The following MAP3K6 variants were observed in gnomAD, a reference collection of about 807,000 sequenced individuals.
The protein encoded by MAP3K6 is apoptosis signal-regulating kinase 2.
Under a neutral mutation model 147.1 loss-of-function variants are expected in MAP3K6, and 105 were observed. That is an observed-to-expected ratio of 0.71 (90% CI 0.61 to 0.84). The LOEUF is 0.84. Among genes scored for constraint, MAP3K6 ranks in the 40% least tolerant of loss-of-function variants. The probability of loss-of-function intolerance (pLI) is 0.00; values close to 1 mark genes in which losing one functional copy is unlikely to be tolerated. For missense variants in MAP3K6, 1,569 were observed against 1,715.0 expected, an observed-to-expected ratio of 0.91 and a Z score of 1.50; for synonymous variants, 695 against 732.4, an observed-to-expected ratio of 0.95 and a Z score of 0.82.
In MAP3K6 at chr1:27,359,888, G is replaced by A. The variant is rs746107468; in HGVS notation, c.2289C>T (p.His763=). ...RQILQGLGYL[H]DNHIVHRDIK... is the part of the protein sequence containing the mutation. ...TGTCCCTGTGCACGATGTGGTTGTC[G>A]TGCAAGTAGCCAAGTCCCTGCAGGA... Residue 763 remains histidine (H), a synonymous_variant, in exon 17 of 29, where the codon CAC becomes CAT. Coordinates refer to ENST00000357582, the MANE Select transcript of MAP3K6 (RefSeq NM_004672.5). The surrounding 1 kb of genome is among the most constrained non-coding windows in gnomAD (Gnocchi z 4.4). The A allele has an allele frequency of 1.2e-6, 2 of 1,614,124 alleles. No homozygotes were observed. Among genetic ancestry groups the A allele is most frequent in the East Asian group, 4.5e-5 (2 of 44,876 alleles).
At position 27,359,673 on chromosome 1, in the gene MAP3K6, G is replaced by T; in HGVS notation, c.2320-151C>A. On this transcript the variant is annotated intron_variant, in intron 17 of 28. Transcript: ENST00000357582. This position sits in a 1 kb window ranked among gnomAD's most constrained non-coding sequence, Gnocchi z 4.4. ...ATCCCACTTATATGCCCCTCTGGGA[G>T]CTGACAATTGGTTTGGCTTCAGAGC... 1 of 1,390,626 alleles carries T rather than the reference G, an allele frequency of 7.2e-7. No individual in the cohort carries two copies. Among genetic ancestry groups the T allele is most frequent in the Non-Finnish European group, 9.8e-7 (1 of 1,017,744 alleles). The allele number at this position is 1,390,626 out of a possible 1,614,324, so 86.1% of individuals were successfully genotyped here.
rs374796272 is a variant in MAP3K6 at position 27,358,428 on chromosome 1, G to A, written c.2767C>T (p.Arg923Trp). 7.3e-5 allele frequency: 116 copies of A among 1,591,178 alleles called. No homozygotes were observed. Among genetic ancestry groups the A allele is most frequent in the Non-Finnish European group, 9.3e-5 (109 of 1,172,954 alleles). The change falls in exon 20 of 29, where the codon CGG becomes TGG. Residue 923 changes from arginine to tryptophan, a missense_variant. Physicochemically the swap from Arg to Trp is moderately radical, Grantham distance 101 (BLOSUM62 -3). Transcript: ENST00000357582. The surrounding 1 kb of genome is among the most constrained non-coding windows in gnomAD (Gnocchi z 6.2). Reference sequence around the variant, plus strand: ...CGCCACCCGCAAGCACCTGAGGGCCGTGGAGCATGTCGTGGGGAGCTGGGG... The same window carrying A: ...CGCCACCCGCAAGCACCTGAGGGCCATGGAGCATGTCGTGGGGAGCTGGGG... ...RSPSSPRHAP[R>W]PSDAPSASPT...
At position 27,359,379 on chromosome 1, in the gene MAP3K6, G is replaced by A; in HGVS notation, c.2425+38C>T. The stretch of plus-strand genomic sequence containing the variant: ...AAGTTCCAAGAGATCTTCTGCCCCA[G>A]GTCAGCATCCCCACTCACCACCCCC... On this transcript the variant is annotated intron_variant, in intron 18 of 28. Coordinates refer to ENST00000357582, the MANE Select transcript of MAP3K6 (RefSeq NM_004672.5). This position sits in a 1 kb window ranked among gnomAD's most constrained non-coding sequence, Gnocchi z 4.4. 2 of 1,613,760 alleles carry A rather than the reference G, an allele frequency of 1.2e-6. No homozygotes were observed. The highest frequency in any genetic ancestry group is 1.7e-6 in the Non-Finnish European group (2 of 1,179,802).
At position 27,360,136 on chromosome 1, in the gene MAP3K6, C is replaced by T; in HGVS notation, c.2182+105G>A. ...CTCAGCTAATTCTAGGCTACACCAC[C>T]CACACGCACTAGGGTGCATTTCCCC... On this transcript the variant is annotated intron_variant, in intron 16 of 28. Transcript: ENST00000357582. The surrounding 1 kb of genome is among the most constrained non-coding windows in gnomAD (Gnocchi z 4.5). 6.3e-7 allele frequency: 1 copy of T among 1,578,126 alleles called. No individual in the cohort carries two copies.
At position 27,357,454 on chromosome 1, in the gene MAP3K6, G is replaced by A; in HGVS notation, c.3204C>T (p.Ala1068=). ...GCAGAAGCGCAGGCCCAAGGCCCTG[G>A]GCCCTCAGCCGTCCTTGCAGCGCCC... The part of the protein sequence containing the change: ...ELRALQGRLR[A]QGLGPALLHR... The change falls in exon 23 of 29, where the codon GCC becomes GCT. Residue 1068 remains alanine (A), a synonymous_variant. Coordinates refer to ENST00000357582, the MANE Select transcript of MAP3K6 (RefSeq NM_004672.5). 2 of 1,613,472 alleles carry A rather than the reference G, an allele frequency of 1.2e-6. No individual in the cohort carries two copies. Among genetic ancestry groups the A allele is most frequent in the South Asian group, 1.1e-5 (1 of 91,038 alleles).
chr1:27,356,048 A>G lies in MAP3K6; in HGVS notation c.3689T>C (p.Val1230Ala), dbSNP rs1372388607. ...CACCATTTGGATGGTGCCTGAATCCACATTCAGTTCCTGTAGCCACTGCAC... is the reference window on the plus strand; with the variant it reads ...CACCATTTGGATGGTGCCTGAATCCGCATTCAGTTCCTGTAGCCACTGCAC... ...GLVQWLQELNVDSGTIQMLLN... is the reference protein window; with the variant it reads ...GLVQWLQELNADSGTIQMLLN... Residue 1230 changes from valine (V) to alanine (A), a missense_variant, in exon 27 of 29, where the codon GTG becomes GCG. By Grantham distance (64) the Val-to-Ala change is moderately conservative. Coordinates refer to ENST00000357582, the MANE Select transcript of MAP3K6 (RefSeq NM_004672.5). 1 of 1,614,196 alleles carries G rather than the reference A, an allele frequency of 6.2e-7. No homozygotes were observed. The highest frequency in any genetic ancestry group is 1.7e-5 in the Admixed American group (1 of 60,030).
In MAP3K6 at chr1:27,360,741, C is replaced by A. The variant is rs56359841; in HGVS notation, c.2018G>T (p.Arg673Leu). The change falls in exon 15 of 29, where the codon CGC (arginine) becomes CTC (leucine). Residue 673 changes from arginine (R) to leucine (L), a missense_variant. Arg to Leu is a moderately radical substitution (Grantham distance 102, BLOSUM62 -2). Coordinates refer to ENST00000357582, the MANE Select transcript of MAP3K6 (RefSeq NM_004672.5). This position sits in a 1 kb window ranked among gnomAD's most constrained non-coding sequence, Gnocchi z 4.5. ...CTCCGGGATCTCCTTGATGGCGATG[C>A]GCACCCTCGTGTGGCGATCGCGGCC... ...YAGRDRHTRVRIAIKEIPERD... is the reference protein window; with the variant it reads ...YAGRDRHTRVLIAIKEIPERD... The A allele has an allele frequency of 4.3e-6, 7 of 1,612,362 alleles. No homozygotes were observed. In the East Asian group the frequency reaches 1.3e-4, roughly 31 times the overall value.
At position 27,360,753 on chromosome 1, in the gene MAP3K6, T is replaced by C. The variant is rs148643990; in HGVS notation, c.2006A>G (p.His669Arg). The change falls in exon 15 of 29, where the codon CAC becomes CGC. Residue 669 changes from histidine to arginine, a missense_variant. Transcript: ENST00000357582. The surrounding 1 kb of genome is among the most constrained non-coding windows in gnomAD (Gnocchi z 4.5). ...CTTGATGGCGATGCGCACCCTCGTG[T>C]GGCGATCGCGGCCCGCGTACACCAC... ...YGVVYAGRDR[H>R]TRVRIAIKEI... The C allele has an allele frequency of 6.2e-6, 10 of 1,612,516 alleles. No individual in the cohort carries two copies. Among genetic ancestry groups the C allele is most frequent in the African/African-American group, 5.3e-5 (4 of 74,914 alleles).
At position 27,357,017 on chromosome 1, in the gene MAP3K6, A is replaced by G. The variant is rs2015552631; in HGVS notation, c.3356T>C (p.Leu1119Pro). 6.2e-7 allele frequency: 1 copy of G among 1,613,742 alleles called. No homozygotes were observed. Among genetic ancestry groups the G allele is most frequent in the Non-Finnish European group, 8.5e-7 (1 of 1,179,874 alleles). The change falls in exon 24 of 29, where the codon CTA becomes CCA. Residue 1119 changes from leucine (L) to proline (P), a missense_variant. Leu to Pro is a moderately conservative substitution (Grantham distance 98). Coordinates refer to ENST00000357582, the MANE Select transcript of MAP3K6 (RefSeq NM_004672.5). ...TGGCATTCCCCTCCTACCCGGTCCT[A>G]GCACACCCAGGGCTGCCCGCACAGC... ...SRAVRAALGV[L>P]GPEVEKEAVS...
At position 27,359,822 on chromosome 1, in the gene MAP3K6, C is replaced by A. The variant is rs555412059; in HGVS notation, c.2319+36G>T. The A allele has an allele frequency of 1.9e-6, 3 of 1,611,674 alleles. No individual in the cohort carries two copies. The highest frequency in any genetic ancestry group is 2.2e-5 in the East Asian group (1 of 44,814). On this transcript the variant is annotated intron_variant, in intron 17 of 28. Coordinates refer to ENST00000357582, the MANE Select transcript of MAP3K6 (RefSeq NM_004672.5). The surrounding 1 kb of genome is among the most constrained non-coding windows in gnomAD (Gnocchi z 4.4). Reference sequence around the variant, plus strand: ...GGACCATGTTTCCTTCCCCGCCACCCTCAGCAGATGAGGGCGGGCCAGCCC... The same window carrying A: ...GGACCATGTTTCCTTCCCCGCCACCATCAGCAGATGAGGGCGGGCCAGCCC...
In MAP3K6 at chr1:27,364,580, G is replaced by A; in HGVS notation, c.504+81C>T. 1.9e-6 allele frequency: 3 copies of A among 1,601,566 alleles called. No homozygotes were observed. Among genetic ancestry groups the A allele is most frequent in the East Asian group, 2.2e-5 (1 of 44,806 alleles). Reference sequence around the variant, plus strand: ...GTCAGTGGGGGGTTAGGTGACTGAGGAGGCCAGGGGGATTAGTGGAGGTCA... The same window carrying A: ...GTCAGTGGGGGGTTAGGTGACTGAGAAGGCCAGGGGGATTAGTGGAGGTCA... On this transcript the variant is annotated intron_variant, in intron 3 of 28. Coordinates refer to ENST00000357582, the MANE Select transcript of MAP3K6 (RefSeq NM_004672.5). The surrounding 1 kb of genome is among the most constrained non-coding windows in gnomAD (Gnocchi z 4.4).
chr1:27,365,707 C>T (rs943356593), intron 1 of MAP3K6, among the ~76,000 whole-genome samples: 1 of 151,932 alleles, frequency 6.6e-6, no homozygotes, highest in African/African-American at 2.4e-5. Flanking sequence ...CTCCCTCACC[C>T]AGTATCCAGT....
At chr1:27,356,959 G>A in intron 24 of MAP3K6, 50 bp downstream of exon 24, 1 of 1,578,492 alleles carries the variant, frequency 6.3e-7, no homozygotes, top group Non-Finnish European at 8.7e-7. Context: ...ACCGCGCCCA[G>A]CAAGCACCAC....
In MAP3K6 at chr1:27,360,376, G is replaced by A. The variant is rs549618147; in HGVS notation, c.2055-8C>T. 18 of 1,612,394 alleles carry A rather than the reference G, an allele frequency of 1.1e-5. No individual in the cohort carries two copies. Among genetic ancestry groups the A allele is most frequent in the East Asian group, 4.5e-5 (2 of 44,854 alleles). On this transcript the variant is annotated splice_region_variant and splice_polypyrimidine_tract_variant and intron_variant, in intron 15 of 28. Transcript: ENST00000357582. The surrounding 1 kb of genome is among the most constrained non-coding windows in gnomAD (Gnocchi z 4.5). ...TGCAGGGGCTGAGAGAACCTGAGGG[G>A]AGGTAAGGGAGAGAGGAAAGGGACC...
chr1:27,363,635 C>T, intron 5 of MAP3K6, 87 bp from the exon 6 acceptor site: 1 of 1,048,918 alleles, frequency 9.5e-7, no homozygotes, highest in Non-Finnish European at 1.4e-6. Context: ...CTCCTGACAT[C>T]CCACCCAGCC....
At chr1:27,355,519 C>G (rs1557552735) in intron 28 of MAP3K6, 50 bp from the exon 29 acceptor site, 2 of 1,594,420 alleles carry the variant, frequency 1.3e-6, no homozygotes, top group Admixed American at 3.3e-5. Flanking sequence ...GCCCTGGACT[C>G]TATCTTGCAC....
At position 27,364,002 on chromosome 1, in the gene MAP3K6, G is replaced by A. The variant is rs745828461; in HGVS notation, c.779C>T (p.Ala260Val). 1.2e-6 allele frequency: 2 copies of A among 1,611,216 alleles called. No homozygotes were observed. The highest frequency in any genetic ancestry group is 2.7e-5 in the African/African-American group (2 of 75,066). ...FSGPQLRQELARLQRRLDSVE... is the reference protein window; with the variant it reads ...FSGPQLRQELVRLQRRLDSVE... ...GCTGTCCAGTCTCCGCTGCAGGCGA[G>A]CCAGCTCCTGCCGCAGCTGTGGCCC... Residue 260 changes from alanine to valine, a missense_variant, in exon 5 of 29, where the codon GCT (alanine) becomes GTT (valine). Transcript: ENST00000357582. The surrounding 1 kb of genome is among the most constrained non-coding windows in gnomAD (Gnocchi z 4.4).
chr1:27,363,923 A>T lies in MAP3K6; in HGVS notation c.858T>A (p.Asp286Glu). 1 of 1,591,792 alleles carries T rather than the reference A, an allele frequency of 6.3e-7. No individual in the cohort carries two copies. Among genetic ancestry groups the T allele is most frequent in the Non-Finnish European group, 8.5e-7 (1 of 1,170,084 alleles). ...CTCTCTGAACACCACGCACCTGCAC[A>T]TCGCGGTAGGAGAGCAGCAAGTTCA... The part of the protein sequence containing the change: ...IIMNLLLSYR[D>E]VQDYSAIIEL... The change falls in exon 5 of 29, where the codon GAT becomes GAA. Residue 286 changes from aspartate (D) to glutamate (E), a missense_variant. Asp to Glu is a conservative substitution (Grantham distance 45). Transcript: ENST00000357582.
chr1:27,362,530 A>C lies in MAP3K6; in HGVS notation c.1255+111T>G, dbSNP rs1571073993. The C allele has an allele frequency of 4.4e-6, 4 of 915,382 alleles. No homozygotes were observed. In the East Asian group the frequency reaches 1.1e-4, roughly 24 times the overall value. 56.7% of individuals were successfully genotyped at this position (915,382 alleles called of 1,614,324 possible). ...GTGTGGGTATGGGCAGGACAGTCCA[A>C]AATGGATGAGCTCATCCTAGCTCTT... On this transcript the variant is annotated intron_variant, in intron 8 of 28. Coordinates refer to ENST00000357582, the MANE Select transcript of MAP3K6 (RefSeq NM_004672.5).
Sources: allele counts gnomAD v4.1 joint callset (sites outside exome capture counted in the v4.1 genomes callset), GRCh38; gene constraint gnomAD v4.1.1; non-coding constraint Gnocchi (gnomAD v3.1); transcripts MANE v1.5; gene names NCBI Gene and HGNC (gene_info 2026-07-23, HGNC 2026-07-21).